Variants in NFIB observed in about 807,000 individuals in gnomAD.
The protein encoded by NFIB is nuclear factor I B.
NFIB carries 11 observed loss-of-function variants against 61.5 expected under a neutral mutation model. That is an observed-to-expected ratio of 0.18 (90% confidence interval 0.11 to 0.30). The LOEUF (loss-of-function observed/expected upper bound fraction) is 0.30. NFIB is among the 10% of genes least tolerant of loss of function. The pLI, the probability that NFIB is intolerant of heterozygous loss-of-function variation, is 1.00. For missense variants in NFIB, 471 were observed against 608.9 expected (o/e 0.77, Z 2.38); for synonymous variants, 260 against 216.5 (o/e 1.20, Z -1.76).
the NFIB span, among the ~76,000 whole-genome samples, chr9:14,446,247 G>A: frequency 6.6e-6 from 1 of 152,132 alleles, no homozygotes. Context: ...ATACTGTTTA[G>A]GATTAACTGG....
intron 2 of NFIB, among the ~76,000 whole-genome samples, chr9:14,239,814 T>C (rs972273261): frequency 3.3e-5 from 5 of 152,104 alleles, no homozygotes; most frequent in Admixed American, 6.5e-5. Flanking sequence ...GAATAAATTA[T>C]GAAAACAGTG....
chr9:14,242,105 AAT>A (rs752154930), intron 2 of NFIB, among the ~76,000 whole-genome samples: 66 of 152,358 alleles, frequency 4.3e-4, no homozygotes, highest in Admixed American at 3.5e-3. Flanking sequence ...TCAGATATTT[AAT>A]ATGTTAAACC....
At chr9:14,309,552 C>T (rs572762872) in intron 1 of NFIB, among the ~76,000 whole-genome samples, 10 of 152,292 alleles carry the variant, frequency 6.6e-5, no homozygotes, top group Admixed American at 3.3e-4. Context: ...AGTTACTATG[C>T]GAGCACATTA....
In NFIB at chr9:14,084,934, G is replaced by T. The variant is rs755951082; in HGVS notation, c.*3375C>A. 7 of 230,448 alleles carry T rather than the reference G, an allele frequency of 3.0e-5. No homozygotes were observed. Among genetic ancestry groups the T allele is most frequent in the Admixed American group, 1.1e-4 (2 of 17,662 alleles). The allele number at this position is 230,448 out of a possible 1,614,324, so 14.3% of individuals were successfully genotyped here. A position where few individuals can be genotyped will look rare whatever the true frequency, so the allele number is the denominator to read the frequency against. ...AGAGGCAGGCAGGAATACCCACAGT[G>T]TGTAACTTGGTTAGCTAGAACTGCT... On this transcript the variant is annotated 3_prime_UTR_variant, in exon 11 of 11. Coordinates refer to ENST00000380953, the MANE Select transcript of NFIB (RefSeq NM_001190737.2).
At chr9:14,259,551 G>C (rs913744574) in intron 2 of NFIB, among the ~76,000 whole-genome samples, 3 of 152,150 alleles carry the variant, frequency 2.0e-5, no homozygotes, top group African/African-American at 7.2e-5. Flanking sequence ...TTAGACTCTG[G>C]AAAGACAGCT....
intron 1 of NFIB, among the ~76,000 whole-genome samples, chr9:14,394,038 G>C (rs1033914556): frequency 5.9e-5 from 9 of 152,154 alleles, no homozygotes; most frequent in Non-Finnish European, 1.2e-4. Context: ...TCATCCATCT[G>C]TTTATGTATT....
intron 2 of NFIB, among the ~76,000 whole-genome samples, chr9:14,235,405 T>A (rs1331774279): frequency 6.6e-6 from 1 of 152,172 alleles, no homozygotes; most frequent in Non-Finnish European, 1.5e-5. Context: ...AGCTTCCTTA[T>A]CTGTAAATGA....
chr9:14,275,428 T>C (rs1206859108), intron 2 of NFIB, among the ~76,000 whole-genome samples: 2 of 152,150 alleles, frequency 1.3e-5, no homozygotes, highest in Non-Finnish European at 2.9e-5. Context: ...AATAAAGCGA[T>C]ATCAGTGCAG....
intron 10 of NFIB, 145 bp from the exon 11 acceptor site, chr9:14,088,471 A>T (rs2033237284): frequency 2.5e-6 from 2 of 796,950 alleles, no homozygotes; most frequent in Non-Finnish European, 3.4e-6. Context: ...AATATGAGAT[A>T]AATGTGCCAA....
chr9:14,148,313 G>C (rs534640838), intron 5 of NFIB, among the ~76,000 whole-genome samples: 7 of 151,436 alleles, frequency 4.6e-5, no homozygotes, highest in Non-Finnish European at 1.0e-4. Flanking sequence ...TTGTAGAGAG[G>C]GAGTTGTCCA....
At chr9:14,315,395 G>C (rs1588291978), upstream of NFIB, among the ~76,000 whole-genome samples, 3 of 150,294 alleles carry the variant, frequency 2.0e-5, no homozygotes, top group East Asian at 6.0e-4. Context: ...TCCTCCCCGC[G>C]CCCGGCTTCG....
At chr9:14,326,547 G>A (rs2060753947) in intron 1 of NFIB, among the ~76,000 whole-genome samples, 1 of 152,156 alleles carries the variant, frequency 6.6e-6, no homozygotes, top group Non-Finnish European at 1.5e-5. Flanking sequence ...GGTTTGTGGT[G>A]TCATCAAAAA....
At chr9:14,410,025 G>A in the NFIB span, among the ~76,000 whole-genome samples, 1 of 152,038 alleles carries the variant, frequency 6.6e-6, no homozygotes, top group Non-Finnish European at 1.5e-5. Flanking sequence ...ATCTTTAACA[G>A]GAATGTCTTT....
intron 2 of NFIB, among the ~76,000 whole-genome samples, chr9:14,181,858 T>C (rs2046816756): frequency 6.6e-6 from 1 of 152,188 alleles, no homozygotes; most frequent in African/African-American, 2.4e-5. Context: ...ACACCTGAGA[T>C]AGTTAAAGTT....
chr9:14,179,926 G>A, intron 2 of NFIB, 146 bp from the exon 3 acceptor site: 1 of 682,322 alleles, frequency 1.5e-6, no homozygotes. Flanking sequence ...ACTTTTGATA[G>A]AAACATTTTA....
At chr9:14,258,564 A>G (rs2056448352) in intron 2 of NFIB, among the ~76,000 whole-genome samples, 1 of 152,228 alleles carries the variant, frequency 6.6e-6, no homozygotes, top group African/African-American at 2.4e-5. Context: ...AACTTATAGT[A>G]TTTTTAAGTT....
chr9:14,436,265 G>T, the NFIB span, among the ~76,000 whole-genome samples: 1 of 152,342 alleles, frequency 6.6e-6, no homozygotes, highest in South Asian at 2.1e-4. Context: ...CCTGCCATAT[G>T]CCTGGAAAGC....
intron 1 of NFIB, among the ~76,000 whole-genome samples, chr9:14,354,383 G>A (rs2061151391): frequency 6.6e-6 from 1 of 152,148 alleles, no homozygotes; most frequent in Admixed American, 6.5e-5. Flanking sequence ...AAAGTATTGT[G>A]CTGGAAATTC....
chr9:14,451,069 G>A, the NFIB span, among the ~76,000 whole-genome samples: 1 of 152,176 alleles, frequency 6.6e-6, no homozygotes, highest in African/African-American at 2.4e-5. Flanking sequence ...ACATTACCTC[G>A]GTGAAGCCTG....
Sources: gnomAD v4.1 joint callset for allele counts (sites outside exome capture counted in the v4.1 genomes callset) on GRCh38, gnomAD v4.1.1 for gene constraint, MANE v1.5 for transcripts, NCBI Gene and HGNC (gene_info 2026-07-23, HGNC 2026-07-21) for gene names.